NDNF: variants seen among roughly 807,000 people sequenced by gnomAD.
NDNF encodes the protein neuron derived neurotrophic factor, also known as protein NDNF.
A neutral mutation model predicts 42.0 loss-of-function variants in NDNF; 16 were observed. The observed-to-expected ratio is 0.38, with a 90% confidence interval of 0.26 to 0.58. The LOEUF (loss-of-function observed/expected upper bound fraction) is 0.58, where lower values mean the gene tolerates loss of function less well. NDNF is among the 20% of genes least tolerant of loss of function. The probability of loss-of-function intolerance (pLI) is 0.67; values close to 1 mark genes in which losing one functional copy is unlikely to be tolerated. For synonymous variants in NDNF, 248 were observed against 251.7 expected, an observed-to-expected ratio of 0.99 and a Z score of 0.14; for missense variants, 616 against 666.2, an observed-to-expected ratio of 0.92 and a Z score of 0.83.
At chr4:121,058,852 A>G (rs1182200432) in intron 1 of NDNF, among the ~76,000 whole-genome samples, 1 of 152,088 alleles carries the variant, frequency 6.6e-6, no homozygotes, top group Non-Finnish European at 1.5e-5. Flanking sequence ...GCATCTTTAC[A>G]AACAAAAATC....
intron 3 of NDNF, 130 bp from the exon 4 acceptor site, chr4:121,037,787 T>C (rs1726905180): frequency 1.7e-6 from 1 of 602,596 alleles, no homozygotes; most frequent in Admixed American, 3.4e-5. Flanking sequence ...AAAATATTTA[T>C]AAATGTATTC....
intron 1 of NDNF, among the ~76,000 whole-genome samples, chr4:121,069,715 A>G (rs949726661): frequency 3.9e-5 from 6 of 152,230 alleles, no homozygotes; most frequent in African/African-American, 1.4e-4. Context: ...CTGTGCAGAG[A>G]AGGACCTTGT....
At chr4:121,057,763 C>T (rs574825250) in intron 1 of NDNF, among the ~76,000 whole-genome samples, 5 of 152,264 alleles carry the variant, frequency 3.3e-5, no homozygotes, top group East Asian at 1.9e-4. Flanking sequence ...CCTGACTTTC[C>T]GGAGTGAGAT....
intron 1 of NDNF, among the ~76,000 whole-genome samples, chr4:121,051,710 C>T (rs2148767491): frequency 6.6e-6 from 1 of 152,274 alleles, no homozygotes; most frequent in South Asian, 2.1e-4. Flanking sequence ...ACCACTGGTT[C>T]AGTTAGTTAA....
At chr4:121,063,590 C>T (rs190801695) in intron 1 of NDNF, among the ~76,000 whole-genome samples, 57 of 152,232 alleles carry the variant, frequency 3.7e-4, no homozygotes, top group Non-Finnish European at 7.4e-4. Flanking sequence ...GAAAATTTGA[C>T]TTCAACAGAT....
chr4:121,047,151 G>A (rs914557993), intron 1 of NDNF, among the ~76,000 whole-genome samples: 1 of 152,140 alleles, frequency 6.6e-6, no homozygotes, highest in Non-Finnish European at 1.5e-5. Context: ...TTCTTTGAAT[G>A]CTATCAAAAA....
In NDNF at chr4:121,036,359, C is replaced by T. The variant is rs1726864492; in HGVS notation, c.1612G>A (p.Gly538Ser). 4 of 1,614,136 alleles carry T rather than the reference C, an allele frequency of 2.5e-6. No homozygotes were observed. Among genetic ancestry groups the T allele is most frequent in the Non-Finnish European group, 3.4e-6 (4 of 1,180,012 alleles). The change falls in exon 4 of 4, where the codon GGC (glycine) becomes AGC (serine). Residue 538 changes from glycine to serine, a missense_variant. Physicochemically the swap from Gly to Ser is moderately conservative, Grantham distance 56. Transcript: ENST00000379692. Reference protein sequence around the residue: ...TTETIKGLQPGKSYLLDVYVI... With the variant: ...TTETIKGLQPSKSYLLDVYVI... ...TAAACATCCAGCAGGTAAGATTTGC[C>T]AGGCTGAAGACCTTTAATTGTTTCT...
rs139006407 is a variant in NDNF at position 121,036,950 on chromosome 4, T to C, written c.1021A>G (p.Lys341Glu). The change falls in exon 4 of 4, where the codon AAG (lysine) becomes GAG (glutamate). Residue 341 changes from lysine to glutamate, a missense_variant. Physicochemically the swap from Lys to Glu is moderately conservative, Grantham distance 56 (BLOSUM62 1). Transcript: ENST00000379692. ...TTCCCATCTTTTAGCTCGACTGTCTTCTGTTTGGCTTCTTCCTTGGTCCTG... is the reference window on the plus strand; with the variant it reads ...TTCCCATCTTTTAGCTCGACTGTCTCCTGTTTGGCTTCTTCCTTGGTCCTG... ...FARTKEEAKQ[K>E]TVELKDGKIT... The C allele has an allele frequency of 1.5e-5, 25 of 1,613,950 alleles. No individual in the cohort carries two copies. In the African/African-American group the frequency reaches 3.3e-4, roughly 22 times the overall value.
At chr4:121,059,469 A>T (rs530899252) in intron 1 of NDNF, among the ~76,000 whole-genome samples, 2 of 152,334 alleles carry the variant, frequency 1.3e-5, no homozygotes, top group East Asian at 1.9e-4. Context: ...TATTGTGTGA[A>T]ACCTAAGTAG....
At chr4:121,062,727 T>A (rs1004498705) in intron 1 of NDNF, among the ~76,000 whole-genome samples, 3 of 151,674 alleles carry the variant, frequency 2.0e-5, no homozygotes, top group African/African-American at 7.3e-5. Flanking sequence ...CTCTTTTTTA[T>A]TTTTTTAAGG....
chr4:121,045,598 G>T, intron 2 of NDNF, 52 bp downstream of exon 2: 2 of 1,470,136 alleles, frequency 1.4e-6, no homozygotes, highest in Admixed American at 1.9e-5. Flanking sequence ...TCTCTTTTTT[G>T]GAGGCATCCT....
At chr4:121,068,614 T>A (rs1727538490) in intron 1 of NDNF, among the ~76,000 whole-genome samples, 1 of 152,170 alleles carries the variant, frequency 6.6e-6, no homozygotes, top group Admixed American at 6.5e-5. Flanking sequence ...TTCTTCCAAG[T>A]GATTAGCTGA....
chr4:121,048,543 T>TA (rs1727133386), intron 1 of NDNF, among the ~76,000 whole-genome samples: 1 of 152,186 alleles, frequency 6.6e-6, no homozygotes, highest in Admixed American at 6.5e-5. Flanking sequence ...CAGATACTTA[T>TA]AAAAAATGAA....
At chr4:121,060,967 G>A (rs6534246) in intron 1 of NDNF, among the ~76,000 whole-genome samples, 132,508 of 152,226 alleles carry the variant, frequency 0.87, 57,777 homozygotes, top group Non-Finnish European at 0.89. Flanking sequence ...AGATAGATGA[G>A]TGAGTAGATG....
Position 121,045,805 on chromosome 4 carries a change from G to A in NDNF, c.33C>T (p.Leu11=), listed in dbSNP as rs1186546243. 1.9e-6 allele frequency: 3 copies of A among 1,614,144 alleles called. No individual in the cohort carries two copies. Among genetic ancestry groups the A allele is most frequent in the Admixed American group, 1.7e-5 (1 of 60,026 alleles). The change falls in exon 2 of 4, where the codon CTC becomes CTT. Residue 11 remains leucine, a synonymous_variant. Transcript: ENST00000379692. MVLLHWCLLW[L]LFPLSSRTQK... is the part of the protein sequence containing the mutation. ...GGGTCCTTGAGCTGAGTGGAAACAG[G>A]AGCCACAGCAGGCACCAGTGGAGCA...
chr4:121,039,559 T>G (rs898413241), intron 3 of NDNF, among the ~76,000 whole-genome samples: 1 of 151,964 alleles, frequency 6.6e-6, no homozygotes, highest in African/African-American at 2.4e-5. Flanking sequence ...ATCCCAAAGT[T>G]TGGACCTCAC....
At chr4:121,050,451 T>G (rs1039184965) in intron 1 of NDNF, among the ~76,000 whole-genome samples, 26 of 152,214 alleles carry the variant, frequency 1.7e-4, no homozygotes, top group African/African-American at 4.1e-4. Flanking sequence ...TTAAGCACTT[T>G]CTTTTTTCAT....
chr4:121,058,119 T>A (rs1310332389), intron 1 of NDNF, among the ~76,000 whole-genome samples: 1 of 152,212 alleles, frequency 6.6e-6, no homozygotes, highest in Admixed American at 6.5e-5. Context: ...CCCTTTATAT[T>A]CCCTACATAG....
At chr4:121,038,423 G>C (rs973144566) in intron 3 of NDNF, among the ~76,000 whole-genome samples, 1 of 146,530 alleles carries the variant, frequency 6.8e-6, no homozygotes, top group Non-Finnish European at 1.5e-5. Context: ...AAAAAAGAAT[G>C]CTTAAGGTTC....
Sources: gnomAD v4.1 joint callset for allele counts (sites outside exome capture counted in the v4.1 genomes callset) on GRCh38, gnomAD v4.1.1 for gene constraint, MANE v1.5 for transcripts, NCBI Gene and HGNC (gene_info 2026-07-23, HGNC 2026-07-21) for gene names.